Variants in RASSF5 observed in about 807,000 individuals in gnomAD.
RASSF5 encodes Ras association domain family member 5, also known as ras association domain-containing protein 5.
A neutral mutation model predicts 40.5 loss-of-function variants in RASSF5; 25 were observed. The ratio of observed to expected loss-of-function variants is 0.62; its 90% confidence interval spans 0.45 to 0.86. RASSF5 has a LOEUF of 0.86. Ranked by LOEUF, RASSF5 falls within the 40% of genes least tolerant of loss-of-function variation. The pLI is 0.00. For synonymous variants in RASSF5, 246 were observed against 252.4 expected (o/e 0.97, Z 0.24); for missense variants, 521 against 572.8 (o/e 0.91, Z 0.92).
At chr1:206,525,450 C>T (rs1479234349) in intron 1 of RASSF5, among the ~76,000 whole-genome samples, 7 of 152,114 alleles carry the variant, frequency 4.6e-5, no homozygotes, top group South Asian at 2.1e-4. Context: ...ACTCTGTCCC[C>T]CAGGCTGGAG....
At chr1:206,509,648 G>A (rs918992660) in intron 1 of RASSF5, among the ~76,000 whole-genome samples, 3 of 152,056 alleles carry the variant, frequency 2.0e-5, no homozygotes, top group African/African-American at 4.8e-5. Context: ...AATCTGCTTC[G>A]TTGGCATTCT....
chr1:206,559,642 G>A (rs1241582083), intron 2 of RASSF5, among the ~76,000 whole-genome samples: 1 of 152,184 alleles, frequency 6.6e-6, no homozygotes, highest in Non-Finnish European at 1.5e-5. Context: ...CATTTTGCTG[G>A]AGTCTGTAAG....
At chr1:206,527,188 T>G (rs1408997272) in intron 1 of RASSF5, among the ~76,000 whole-genome samples, 1 of 152,190 alleles carries the variant, frequency 6.6e-6, no homozygotes, top group African/African-American at 2.4e-5. Context: ...AAGACCTCTA[T>G]CACACATGTT....
intron 2 of RASSF5, among the ~76,000 whole-genome samples, chr1:206,566,810 C>T (rs782819485): frequency 1.8e-4 from 27 of 152,286 alleles, no homozygotes; most frequent in Non-Finnish European, 3.1e-4. Flanking sequence ...TCTTTCTCTC[C>T]TATCTCTCCT....
intron 2 of RASSF5, among the ~76,000 whole-genome samples, chr1:206,569,646 A>T (rs574161685): frequency 1.3e-5 from 2 of 152,304 alleles, no homozygotes; most frequent in East Asian, 3.9e-4. Context: ...TTCATTCCTC[A>T]TGACTTAGTT....
intron 2 of RASSF5, among the ~76,000 whole-genome samples, chr1:206,559,439 G>A (rs1198918909): frequency 6.6e-6 from 1 of 152,196 alleles, no homozygotes; most frequent in East Asian, 1.9e-4. Flanking sequence ...AAAATACACT[G>A]GGATGGGGTT....
chr1:206,545,418 T>C (rs1355117919), intron 2 of RASSF5, among the ~76,000 whole-genome samples: 1 of 151,476 alleles, frequency 6.6e-6, no homozygotes, highest in African/African-American at 2.4e-5. Flanking sequence ...TGGTGCTCAT[T>C]GTAACCTTGA....
chr1:206,556,503 T>C (rs1553401773), intron 2 of RASSF5, among the ~76,000 whole-genome samples: 2 of 152,212 alleles, frequency 1.3e-5, no homozygotes, highest in African/African-American at 4.8e-5. Flanking sequence ...AAATGAGCCC[T>C]TCTCAATGTT....
At chr1:206,548,705 C>T (rs1356089883) in intron 2 of RASSF5, among the ~76,000 whole-genome samples, 6 of 152,072 alleles carry the variant, frequency 3.9e-5, no homozygotes, top group African/African-American at 9.7e-5. Context: ...ATAGTTTTCA[C>T]GAAAATTGGA....
intron 2 of RASSF5, among the ~76,000 whole-genome samples, chr1:206,564,971 C>T (rs1553403164): frequency 6.6e-6 from 1 of 152,172 alleles, no homozygotes; most frequent in African/African-American, 2.4e-5. Context: ...CACAGCATCC[C>T]AGCTTTAGCT....
intron 2 of RASSF5, among the ~76,000 whole-genome samples, chr1:206,554,039 A>G (rs1423717837): frequency 2.0e-5 from 3 of 152,234 alleles, no homozygotes; most frequent in Non-Finnish European, 4.4e-5. Context: ...TAGGGCTTAA[A>G]TGAAATTATG....
chr1:206,526,941 A>G (rs1667113017), intron 1 of RASSF5, among the ~76,000 whole-genome samples: 1 of 151,948 alleles, frequency 6.6e-6, no homozygotes, highest in South Asian at 2.1e-4. Flanking sequence ...TTGCATACAT[A>G]CTCTCTAATT....
At chr1:206,540,800 A>T (rs1667526643) in intron 2 of RASSF5, among the ~76,000 whole-genome samples, 1 of 151,746 alleles carries the variant, frequency 6.6e-6, no homozygotes, top group South Asian at 2.1e-4. Context: ...TTCTTGGGGG[A>T]TTTAAGGGAG....
At chr1:206,568,753 T>C (rs1353299026) in intron 2 of RASSF5, among the ~76,000 whole-genome samples, 1 of 152,158 alleles carries the variant, frequency 6.6e-6, no homozygotes, top group Non-Finnish European at 1.5e-5. Flanking sequence ...TTCTGCTGAG[T>C]TTCACTCTTT....
chr1:206,558,524 T>G (rs1668054777), intron 2 of RASSF5, among the ~76,000 whole-genome samples: 1 of 152,078 alleles, frequency 6.6e-6, no homozygotes, highest in South Asian at 2.1e-4. Flanking sequence ...TAGACAGAAG[T>G]GAGCTGTTAT....
chr1:206,518,950 T>C (rs150659061), intron 1 of RASSF5, among the ~76,000 whole-genome samples: 6 of 151,626 alleles, frequency 4.0e-5, no homozygotes, highest in African/African-American at 1.5e-4. Context: ...GAGTCAGCCT[T>C]CTGAGGACCT....
At chr1:206,523,758 CATAATATATTTTATATATTATAT>C (rs1180273909) in intron 1 of RASSF5, among the ~76,000 whole-genome samples, 26 of 90,454 alleles carry the variant, frequency 2.9e-4, no homozygotes, top group East Asian at 1.4e-3. Context: ...ATATAATATA[CATAATATATTTTATATATTATAT>C]ATAATATATT....
chr1:206,508,065 T>G lies in RASSF5; in HGVS notation c.457+6T>G. ...GCAGGCGCTGCGCTGCACTAGTAAG[T>G]GTGAAGGCAGGGGAGGGGCGTGCGG... On this transcript the variant is annotated splice_donor_region_variant and intron_variant, in intron 1 of 5. Coordinates refer to ENST00000579436, the MANE Select transcript of RASSF5 (RefSeq NM_182663.4). 7.3e-7 allele frequency: 1 copy of G among 1,377,554 alleles called. No individual in the cohort carries two copies. Among genetic ancestry groups the G allele is most frequent in the Non-Finnish European group, 9.4e-7 (1 of 1,065,406 alleles). The allele number at this position is 1,377,554 out of a possible 1,614,324, so 85.3% of individuals were successfully genotyped here.
chr1:206,585,326 C>T (rs1553407395), intron 5 of RASSF5, 31 bp downstream of exon 5: 1 of 1,545,156 alleles, frequency 6.5e-7, no homozygotes, highest in Non-Finnish European at 8.9e-7. Context: ...CAAACCCAGG[C>T]CTTAGGGCAC....
Sources: gnomAD v4.1 joint callset for allele counts (sites outside exome capture counted in the v4.1 genomes callset) on GRCh38, gnomAD v4.1.1 for gene constraint, MANE v1.5 for transcripts, NCBI Gene and HGNC (gene_info 2026-07-23, HGNC 2026-07-21) for gene names.